Variants in AGBL1 observed in about 807,000 individuals in gnomAD.
The protein encoded by AGBL1 is AGBL carboxypeptidase 1.
Under a neutral mutation model 118.9 loss-of-function variants are expected in AGBL1, and 130 were observed. The ratio of observed to expected loss-of-function variants is 1.09; its 90% CI spans 0.95 to 1.26. The LOEUF (loss-of-function observed/expected upper bound fraction) is 1.26. Ranked by LOEUF, AGBL1 falls within the 50% of genes most tolerant of loss-of-function variation. The pLI is 0.00. For synonymous variants in AGBL1, 555 were observed against 478.9 expected, an observed-to-expected ratio of 1.16 and a Z score of -2.08; for missense variants, 1,584 against 1,298.1, an observed-to-expected ratio of 1.22 and a Z score of -3.38.
chr15:86,282,923 G>A (rs922450179), intron 16 of AGBL1, among the ~76,000 whole-genome samples: 17 of 152,242 alleles, frequency 1.1e-4, no homozygotes, highest in African/African-American at 4.1e-4. Flanking sequence ...TATGTTGAAT[G>A]TTTTTCAACG....
At chr15:86,872,182 A>C (rs1397557627) in intron 22 of AGBL1, among the ~76,000 whole-genome samples, 2 of 152,234 alleles carry the variant, frequency 1.3e-5, no homozygotes, top group Non-Finnish European at 2.9e-5. Context: ...TGGCTGGGAC[A>C]GAAGAGCTTG....
At chr15:86,356,660 C>T (rs1482280281) in intron 17 of AGBL1, among the ~76,000 whole-genome samples, 1 of 152,088 alleles carries the variant, frequency 6.6e-6, no homozygotes, top group South Asian at 2.1e-4. Flanking sequence ...GAGAATTGTA[C>T]TGGAAGGAAG....
Position 86,615,745 on chromosome 15 carries a change from T to C in AGBL1, c.2995-58528T>C, listed in dbSNP as rs1429544214. Among the ~76,000 whole-genome samples, 2 of 152,198 alleles carry C rather than the reference T, an allele frequency of 1.3e-5. No individual in the cohort carries two copies. The highest frequency in any genetic ancestry group is 3.8e-4 in the East Asian group (2 of 5,198). Reference sequence around the variant, plus strand: ...GCCACAGAGTTAGAAATGTGAGTTTTATATTGTGGACAGAGGTTAAAAAAT... The same window carrying C: ...GCCACAGAGTTAGAAATGTGAGTTTCATATTGTGGACAGAGGTTAAAAAAT... On this transcript the variant is annotated intron_variant, in intron 21 of 22. Coordinates refer to ENST00000614907, the MANE Select transcript of AGBL1 (RefSeq NM_001386094.1). This position sits in a 1 kb window ranked among gnomAD's most constrained non-coding sequence, Gnocchi z 4.3.
chr15:86,816,654 A>G (rs1232630558), intron 22 of AGBL1, among the ~76,000 whole-genome samples: 1 of 152,180 alleles, frequency 6.6e-6, no homozygotes, highest in African/African-American at 2.4e-5. Context: ...GAGAGATTAA[A>G]ATAGAAAGAT....
In AGBL1 at chr15:86,674,790, A is replaced by G. The variant is rs150014312; in HGVS notation, c.3158+354A>G. 1.7e-3 allele frequency among the ~76,000 whole-genome samples: 265 copies of G among 152,270 alleles called. 4 individuals are homozygous for G. In the East Asian group the frequency reaches 0.022, roughly 13 times the overall value. ...AACATTTTTGAGCCATTACTCAACAAAAAACAATGGCAATCTCATTGACAA... is the reference window on the plus strand; with the variant it reads ...AACATTTTTGAGCCATTACTCAACAGAAAACAATGGCAATCTCATTGACAA... On this transcript the variant is annotated intron_variant, in intron 22 of 22. Transcript: ENST00000614907.
intron 22 of AGBL1, among the ~76,000 whole-genome samples, chr15:86,855,947 C>G (rs946803029): frequency 6.6e-6 from 1 of 152,184 alleles, no homozygotes; most frequent in East Asian, 1.9e-4. Flanking sequence ...GAAAATATAA[C>G]TCATCCCTAA....
At chr15:86,526,582 A>AGTATATATATGTATATAGT (rs2083268596) in intron 19 of AGBL1, among the ~76,000 whole-genome samples, 2 of 145,482 alleles carry the variant, frequency 1.4e-5, no homozygotes, top group South Asian at 4.3e-4. Context: ...ATACACACAG[A>AGTATATATATGTATATAGT]GTATATATAT....
chr15:86,768,424 T>C (rs906117864), intron 22 of AGBL1, among the ~76,000 whole-genome samples: 1 of 152,018 alleles, frequency 6.6e-6, no homozygotes, highest in Non-Finnish European at 1.5e-5. Flanking sequence ...CACCTTATCT[T>C]ATACCACCTT....
rs371674174 is a variant in AGBL1 at position 86,271,696 on chromosome 15, T to G, written c.2065T>G (p.Cys689Gly). The G allele has an allele frequency of 1.2e-6, 2 of 1,612,604 alleles. No individual in the cohort carries two copies. The highest frequency in any genetic ancestry group is 4.5e-5 in the East Asian group (2 of 44,856). The change falls in exon 15 of 23, where the codon TGT (cysteine) becomes GGT (glycine). Residue 689 changes from cysteine (C) to glycine (G), a missense_variant. Transcript: ENST00000614907. Reference protein sequence around the residue: ...PTWIRTGHEICYYKNHYRQST... With the variant: ...PTWIRTGHEIGYYKNHYRQST... Reference sequence around the variant, plus strand: ...CTGGATAAGGACAGGCCATGAAATATGTTATTACAAGTAAGTTAGAGCGCT... The same window carrying G: ...CTGGATAAGGACAGGCCATGAAATAGGTTATTACAAGTAAGTTAGAGCGCT...
intron 24 of AGBL1, among the ~76,000 whole-genome samples, chr15:87,024,590 C>T (rs2081706162): frequency 6.6e-6 from 1 of 151,940 alleles, no homozygotes; most frequent in South Asian, 2.1e-4. Flanking sequence ...ATCCGATTGA[C>T]ACTATTTCCC....
chr15:86,338,184 T>C (rs999662949), intron 17 of AGBL1, among the ~76,000 whole-genome samples: 1 of 151,864 alleles, frequency 6.6e-6, no homozygotes, highest in Non-Finnish European at 1.5e-5. Flanking sequence ...AAGGTAACAG[T>C]TGGAGGAGAG....
At chr15:86,679,924 T>C (rs758673036) in intron 22 of AGBL1, among the ~76,000 whole-genome samples, 4 of 152,154 alleles carry the variant, frequency 2.6e-5, no homozygotes, top group Non-Finnish European at 5.9e-5. Context: ...TAGAGATTGA[T>C]ATTACCTACT....
intron 1 of AGBL1, among the ~76,000 whole-genome samples, chr15:86,101,419 G>A (rs1462156881): frequency 6.6e-6 from 1 of 150,614 alleles, no homozygotes; most frequent in African/African-American, 2.4e-5. Flanking sequence ...TTTTTTTGTT[G>A]TTGTTAATTT....
At chr15:86,688,908 C>G (rs961351444) in intron 22 of AGBL1, among the ~76,000 whole-genome samples, 16 of 152,114 alleles carry the variant, frequency 1.1e-4, no homozygotes, top group African/African-American at 3.6e-4. Flanking sequence ...GACTTGCTTT[C>G]TGTCCCTAAA....
At chr15:86,308,570 GT>G (rs563284284) in intron 17 of AGBL1, among the ~76,000 whole-genome samples, 1 of 152,198 alleles carries the variant, frequency 6.6e-6, no homozygotes, top group Non-Finnish European at 1.5e-5. Context: ...TTACATTTAT[GT>G]TTTAAATTCA....
At chr15:86,568,110 A>G (rs1231052546) in intron 21 of AGBL1, among the ~76,000 whole-genome samples, 1 of 152,034 alleles carries the variant, frequency 6.6e-6, no homozygotes, top group Non-Finnish European at 1.5e-5. Context: ...GCTTAATTCT[A>G]CTACAAGAAA....
chr15:86,762,809 A>G (rs1236976299), intron 22 of AGBL1, among the ~76,000 whole-genome samples: 3 of 152,012 alleles, frequency 2.0e-5, no homozygotes, highest in East Asian at 1.9e-4. Flanking sequence ...TTTTCTACCT[A>G]TCCTTGGTGT....
chr15:86,204,518 C>T (rs1357163028), intron 5 of AGBL1, among the ~76,000 whole-genome samples: 2 of 57,428 alleles, frequency 3.5e-5, no homozygotes, highest in East Asian at 1.5e-3. Flanking sequence ...TTCCCCTTCC[C>T]CTTCCTTCCT....
At chr15:86,509,603 G>A (rs1005248316) in intron 18 of AGBL1, among the ~76,000 whole-genome samples, 2 of 152,010 alleles carry the variant, frequency 1.3e-5, no homozygotes, top group Non-Finnish European at 2.9e-5. Context: ...TGAGAAAAAC[G>A]GTGAGGAGGC....
Sources: gnomAD v4.1 joint callset for allele counts (sites outside exome capture counted in the v4.1 genomes callset) on GRCh38, gnomAD v4.1.1 for gene constraint, Gnocchi (gnomAD v3.1) non-coding constraint, MANE v1.5 for transcripts, NCBI Gene and HGNC (gene_info 2026-07-23, HGNC 2026-07-21) for gene names.